The following ZNF407 variants were observed in gnomAD, a reference collection of about 807,000 sequenced individuals.
ZNF407 encodes the protein zinc finger protein 407.
ZNF407 carries 17 observed loss-of-function variants against 131.2 expected under a neutral mutation model. The observed-to-expected ratio is 0.13, with a 90% confidence interval of 0.09 to 0.19. ZNF407 has a LOEUF of 0.19. ZNF407 is among the 10% of genes least tolerant of loss of function. The pLI, the probability that ZNF407 is intolerant of heterozygous loss-of-function variation, is 1.00. For missense variants in ZNF407, 2,681 were observed against 2,830.6 expected (o/e 0.95, Z 1.20); for synonymous variants, 1,156 against 1,062.0 (o/e 1.09, Z -1.72).
intron 8 of ZNF407, among the ~76,000 whole-genome samples, chr18:74,985,332 G>A (rs542392059): frequency 6.8e-5 from 10 of 147,066 alleles, no homozygotes; most frequent in African/African-American, 2.2e-4. Context: ...TCAATACAGA[G>A]AATTAGTTAT....
intron 3 of ZNF407, among the ~76,000 whole-genome samples, chr18:74,701,086 T>C (rs1336702612): frequency 6.6e-6 from 1 of 152,112 alleles, no homozygotes; most frequent in Non-Finnish European, 1.5e-5. Flanking sequence ...CATGCACACT[T>C]GTCCTCACAT....
At chr18:74,816,943 CAT>C (rs1381240794) in intron 4 of ZNF407, among the ~76,000 whole-genome samples, 1 of 152,082 alleles carries the variant, frequency 6.6e-6, no homozygotes, top group Non-Finnish European at 1.5e-5. Context: ...TTGATTCCCT[CAT>C]ATGTTTGTGC....
intron 1 of ZNF407, among the ~76,000 whole-genome samples, chr18:74,630,652 T>G (rs12968520): frequency 6.6e-6 from 1 of 151,688 alleles, no homozygotes; most frequent in Non-Finnish European, 1.5e-5. Context: ...GTTTTTTTTT[T>G]AAAAGGGTAG....
chr18:74,878,102 C>T (rs1343195577), intron 5 of ZNF407, among the ~76,000 whole-genome samples: 1 of 151,962 alleles, frequency 6.6e-6, no homozygotes, highest in Non-Finnish European at 1.5e-5. Context: ...AATGTAAATC[C>T]CAGTAAGACC....
chr18:74,852,210 C>T (rs934707289), intron 4 of ZNF407, among the ~76,000 whole-genome samples: 3 of 151,594 alleles, frequency 2.0e-5, no homozygotes, highest in Non-Finnish European at 4.4e-5. Flanking sequence ...CACGCACGCA[C>T]GCGCACGCGC....
chr18:74,962,168 A>G (rs1244481279), intron 8 of ZNF407, among the ~76,000 whole-genome samples: 1 of 152,158 alleles, frequency 6.6e-6, no homozygotes, highest in African/African-American at 2.4e-5. Flanking sequence ...TCTGTATCCT[A>G]TACATCAGGG....
At chr18:74,618,508 A>G (rs1983403949) in intron 1 of ZNF407, among the ~76,000 whole-genome samples, 2 of 152,116 alleles carry the variant, frequency 1.3e-5, no homozygotes, top group African/African-American at 4.8e-5. Flanking sequence ...TCTGATGTTC[A>G]TTTGTGGAGT....
chr18:74,836,119 C>T (rs951495602), intron 4 of ZNF407, among the ~76,000 whole-genome samples: 1 of 151,498 alleles, frequency 6.6e-6, no homozygotes, highest in African/African-American at 2.4e-5. Flanking sequence ...AAATGAAGGA[C>T]AAAAAATAGG....
At position 75,013,319 on chromosome 18, in the gene ZNF407, T is replaced by G. The variant is rs551838913; in HGVS notation, c.5429-49831T>G. Among the ~76,000 whole-genome samples the G allele has an allele frequency of 2.0e-5, 3 of 152,238 alleles. No individual in the cohort carries two copies. In the South Asian group the frequency reaches 6.2e-4, roughly 32 times the overall value. ...CATGATGTTTCACAGCAGGAATTGT[T>G]GTAGATCCGTATTTATTAAGTGATG... On this transcript the variant is annotated intron_variant, in intron 8 of 8. Coordinates refer to ENST00000299687, the MANE Select transcript of ZNF407 (RefSeq NM_017757.3).
At chr18:74,781,554 T>G in intron 4 of ZNF407, 52 bp downstream of exon 4, 1 of 1,373,846 alleles carries the variant, frequency 7.3e-7, no homozygotes, top group Non-Finnish European at 9.8e-7. Flanking sequence ...ATTTTTATTT[T>G]AGGCTTTATT....
chr18:75,007,500 C>T (rs1009705364), intron 8 of ZNF407, among the ~76,000 whole-genome samples: 3 of 152,350 alleles, frequency 2.0e-5, no homozygotes, highest in African/African-American at 7.2e-5. Context: ...CATTCTCGCA[C>T]ACAATCACTC....
intron 1 of ZNF407, among the ~76,000 whole-genome samples, chr18:74,619,251 A>G (rs1983427686): frequency 2.6e-5 from 4 of 152,338 alleles, no homozygotes; most frequent in South Asian, 4.1e-4. Flanking sequence ...CTAAAACTGT[A>G]CAAACAAGGA....
At chr18:74,951,175 T>C (rs1972209558) in intron 8 of ZNF407, among the ~76,000 whole-genome samples, 1 of 152,232 alleles carries the variant, frequency 6.6e-6, no homozygotes, top group Non-Finnish European at 1.5e-5. Flanking sequence ...TCAAATGTAC[T>C]GAACTTTTCT....
intron 4 of ZNF407, among the ~76,000 whole-genome samples, chr18:74,850,023 C>A (rs968038534): frequency 2.6e-5 from 4 of 152,060 alleles, no homozygotes; most frequent in African/African-American, 9.7e-5. Context: ...AAAAATAGCC[C>A]CATTCATGAA....
chr18:74,658,330 G>C lies in ZNF407; in HGVS notation c.4802+17208G>C, dbSNP rs575893151. ...GACAGGGTTTCACCATGTTGGCCAG[G>C]CTGGTCTTGAACTCCTGACCTCGTG... On this transcript the variant is annotated intron_variant, in intron 3 of 8. Coordinates refer to ENST00000299687, the MANE Select transcript of ZNF407 (RefSeq NM_017757.3). Among the ~76,000 whole-genome samples, 7 of 152,192 alleles carry C rather than the reference G, an allele frequency of 4.6e-5. No homozygotes were observed. In the East Asian group the frequency reaches 1.4e-3, roughly 29 times the overall value.
intron 3 of ZNF407, among the ~76,000 whole-genome samples, chr18:74,764,745 C>T (rs1969189766): frequency 6.6e-6 from 1 of 152,062 alleles, no homozygotes; most frequent in Non-Finnish European, 1.5e-5. Context: ...CTTTAACTGC[C>T]CCCAGACTCA....
chr18:74,979,772 A>G (rs1972567838), intron 8 of ZNF407, among the ~76,000 whole-genome samples: 1 of 152,072 alleles, frequency 6.6e-6, no homozygotes, highest in East Asian at 1.9e-4. Context: ...AAATAAAAGG[A>G]CCATTTATTA....
chr18:74,968,256 C>T (rs1239150900), intron 8 of ZNF407, among the ~76,000 whole-genome samples: 1 of 152,184 alleles, frequency 6.6e-6, no homozygotes, highest in Non-Finnish European at 1.5e-5. Context: ...GTATGGAAAT[C>T]TCACTTCCAT....
intron 8 of ZNF407, among the ~76,000 whole-genome samples, chr18:75,004,177 C>T (rs528620726): frequency 3.6e-4 from 55 of 152,238 alleles, no homozygotes; most frequent in African/African-American, 1.1e-3. Flanking sequence ...GGCCTCTCCG[C>T]GGTGCACGTC....
Sources: gnomAD v4.1 joint callset for allele counts (sites outside exome capture counted in the v4.1 genomes callset) on GRCh38, gnomAD v4.1.1 for gene constraint, MANE v1.5 for transcripts, NCBI Gene and HGNC (gene_info 2026-07-23, HGNC 2026-07-21) for gene names.